The following RAB37 variants were observed in gnomAD, a reference collection of about 807,000 sequenced individuals.
The protein encoded by RAB37 is RAB37, member RAS oncogene family, also known as ras-related protein Rab-37.
In RAB37, 29 loss-of-function variants were observed where a neutral mutation model predicts 33.1. The ratio of observed to expected loss-of-function variants is 0.88; its 90% CI spans 0.65 to 1.20. The LOEUF (loss-of-function observed/expected upper bound fraction) is 1.20. Among genes scored for constraint, RAB37 ranks in the 50% most tolerant of loss-of-function variants. RAB37 has a pLI of 0.00. For missense variants in RAB37, 299 were observed against 301.1 expected (o/e 0.99, Z 0.05); for synonymous variants, 128 against 119.5 (o/e 1.07, Z -0.47).
intron 1 of RAB37, among the ~76,000 whole-genome samples, chr17:74,723,242 C>A (rs1160824233): frequency 6.6e-6 from 1 of 152,222 alleles, no homozygotes; most frequent in Non-Finnish European, 1.5e-5. Context: ...ATACACCCCA[C>A]CTGGTTTTCC....
chr17:74,741,034 G>T (rs2034602555), intron 2 of RAB37, among the ~76,000 whole-genome samples, 156 bp downstream of exon 2: 1 of 152,124 alleles, frequency 6.6e-6, no homozygotes, highest in African/African-American at 2.4e-5. Context: ...CACAGAGGTG[G>T]CCGGGTCAAA....
At chr17:74,740,705 T>C in intron 1 of RAB37, 63 bp from the exon 2 acceptor site, 3 of 1,134,328 alleles carry the variant, frequency 2.6e-6, no homozygotes, top group Non-Finnish European at 4.0e-6. Context: ...CATGTGTCTC[T>C]CTCCTGGAAT....
At chr17:74,695,822 T>A (rs145075298) in intron 1 of RAB37, 105 of 1,614,086 alleles carry the variant, frequency 6.5e-5, no homozygotes, top group South Asian at 4.6e-4. Flanking sequence ...CAGGGTCAGG[T>A]CTGCATAGCA....
chr17:74,684,040 C>A (rs973646651), intron 1 of RAB37, among the ~76,000 whole-genome samples: 4 of 152,144 alleles, frequency 2.6e-5, no homozygotes, highest in Admixed American at 2.0e-4. Context: ...GCTGAAAAAA[C>A]AATAAGTTCA....
At chr17:74,699,834 C>T (rs1213591223) in intron 1 of RAB37, among the ~76,000 whole-genome samples, 1 of 152,096 alleles carries the variant, frequency 6.6e-6, no homozygotes, top group Non-Finnish European at 1.5e-5. Flanking sequence ...AAGCACACCC[C>T]TCTCTTTCTC....
At position 74,738,316 on chromosome 17, in the gene RAB37, GT is replaced by G. The variant is rs552028538; in HGVS notation, c.93+954del. ...TGGGAGCCTCAGCCTCCACCCCAGT[GT>G]TTCGGGGGAAGCCACCCTGCAAGTC... On this transcript the variant is annotated intron_variant, in intron 1 of 8. Transcript: ENST00000392613. This position sits in a 1 kb window ranked among gnomAD's most constrained non-coding sequence, Gnocchi z 5.0. 1.9e-3 allele frequency among the ~76,000 whole-genome samples: 283 copies of G among 152,300 alleles called. 2 individuals are homozygous for G. The highest frequency in any genetic ancestry group is 3.2e-3 in the Non-Finnish European group (217 of 68,016).
intron 1 of RAB37, chr17:74,712,854 T>C: frequency 1.2e-6 from 2 of 1,613,964 alleles, no homozygotes; most frequent in Non-Finnish European, 1.7e-6. Context: ...AGGTAGAGTG[T>C]CAGCAGGGGC....
upstream of RAB37, among the ~76,000 whole-genome samples, chr17:74,734,906 G>A (rs774718737): frequency 2.8e-5 from 4 of 143,264 alleles, no homozygotes; most frequent in Non-Finnish European, 6.0e-5. Context: ...AGAGAGAGAG[G>A]AAGGAAGGAA....
intron 1 of RAB37, chr17:74,695,295 T>G (rs2143532384): frequency 6.2e-7 from 1 of 1,608,944 alleles, no homozygotes; most frequent in Non-Finnish European, 8.5e-7. Context: ...CGGCAGGAAG[T>G]GACGGTCACG....
rs138241550 is a variant in RAB37 at position 74,695,792 on chromosome 17, G to A, written c.72+24134G>A. ...GGAAAGCTTCGTGGTAGCCTTTTGCGGGGAGGTTCCGGCCAGCTGCAGGGT... is the reference window on the plus strand; with the variant it reads ...GGAAAGCTTCGTGGTAGCCTTTTGCAGGGAGGTTCCGGCCAGCTGCAGGGT... On this transcript the variant is annotated intron_variant, in intron 1 of 7. Coordinates refer to the RAB37 transcript ENST00000340415. 8.8e-5 allele frequency: 142 copies of A among 1,614,066 alleles called. No homozygotes were observed. The Middle Eastern group carries it at 1.2e-3, about 13-fold the overall frequency.
intron 1 of RAB37, among the ~76,000 whole-genome samples, chr17:74,696,975 CTT>C (rs1216494799): frequency 1.3e-5 from 2 of 151,966 alleles, no homozygotes; most frequent in Admixed American, 1.3e-4. Flanking sequence ...GAGTTTCTCT[CTT>C]GTCACCCATG....
intron 1 of RAB37, among the ~76,000 whole-genome samples, chr17:74,728,987 T>C (rs2034349304): frequency 2.0e-5 from 3 of 152,016 alleles, no homozygotes; most frequent in Admixed American, 1.3e-4. Context: ...CGTGTATGTG[T>C]GTGCTTCTGT....
At chr17:74,735,910 A>G (rs2034467472), upstream of RAB37, among the ~76,000 whole-genome samples, 1 of 152,264 alleles carries the variant, frequency 6.6e-6, no homozygotes, top group South Asian at 2.1e-4. Context: ...TCCACACCTA[A>G]GTTAAGAATT....
At chr17:74,722,238 G>A (rs1218384302) in intron 1 of RAB37, among the ~76,000 whole-genome samples, 7 of 151,010 alleles carry the variant, frequency 4.6e-5, no homozygotes, top group Admixed American at 1.3e-4. Flanking sequence ...AGTCAAGATC[G>A]TGCCCCTGCA....
intron 1 of RAB37, among the ~76,000 whole-genome samples, chr17:74,691,450 G>A (rs781028133): frequency 2.4e-4 from 36 of 152,280 alleles, no homozygotes; most frequent in African/African-American, 7.5e-4. Flanking sequence ...GATTACAAAC[G>A]TGAGCCACCA....
rs796241730 is a variant in RAB37 at position 74,689,441 on chromosome 17, T to G, written c.72+17783T>G. ...CCGGGTGACAGAGCAAGACTCTGTCTGGAAAAAAAAAGAAAAAAGAAAGAA... is the reference window on the plus strand; with the variant it reads ...CCGGGTGACAGAGCAAGACTCTGTCGGGAAAAAAAAAGAAAAAAGAAAGAA... On this transcript the variant is annotated intron_variant, in intron 1 of 7. Coordinates refer to the RAB37 transcript ENST00000340415. Among the ~76,000 whole-genome samples, 23 of 151,572 alleles carry G rather than the reference T, an allele frequency of 1.5e-4. 1 individual carries two copies. Among genetic ancestry groups the G allele is most frequent in the African/African-American group, 5.6e-4 (23 of 41,286 alleles).
upstream of RAB37, chr17:74,736,873 C>G: frequency 2.6e-6 from 4 of 1,509,678 alleles, no homozygotes; most frequent in Non-Finnish European, 3.5e-6. Flanking sequence ...GGGGACAGCC[C>G]ACGGCCCGGG....
chr17:74,729,117 G>C lies in RAB37; in HGVS notation c.73-139G>C, dbSNP rs1330859421. Reference sequence around the variant, plus strand: ...CTGTATGTGTGTGTCAGTGTCTTGTGTGTGTGTGTTTCTGTGTGTGTGTGT... The same window carrying C: ...CTGTATGTGTGTGTCAGTGTCTTGTCTGTGTGTGTTTCTGTGTGTGTGTGT... On this transcript the variant is annotated intron_variant, in intron 1 of 7. Transcript: ENST00000340415. This position sits in a 1 kb window ranked among gnomAD's most constrained non-coding sequence, Gnocchi z 4.2. The C allele has an allele frequency of 1.5e-6, 1 of 679,862 alleles. No homozygotes were observed. Among genetic ancestry groups the C allele is most frequent in the Non-Finnish European group, 2.7e-6 (1 of 364,076 alleles). The allele number at this position is 679,862 out of a possible 1,614,324, so 42.1% of individuals were successfully genotyped here. A position where few individuals can be genotyped will look rare whatever the true frequency, so the allele number is the denominator to read the frequency against.
At chr17:74,683,610 T>C (rs565474599) in intron 1 of RAB37, among the ~76,000 whole-genome samples, 1 of 152,228 alleles carries the variant, frequency 6.6e-6, no homozygotes, top group Non-Finnish European at 1.5e-5. Context: ...ATAATGTTTG[T>C]ACAAGGACCC....
Sources: gnomAD v4.1 joint callset for allele counts (sites outside exome capture counted in the v4.1 genomes callset) on GRCh38, gnomAD v4.1.1 for gene constraint, Gnocchi (gnomAD v3.1) non-coding constraint, MANE v1.5 for transcripts, NCBI Gene and HGNC (gene_info 2026-07-23, HGNC 2026-07-21) for gene names.